The following MSMO1 variants were observed in gnomAD, a reference collection of about 807,000 sequenced individuals.
MSMO1 encodes the protein methylsterol monooxygenase 1.
A neutral mutation model predicts 30.4 loss-of-function variants in MSMO1; 18 were observed. The ratio of observed to expected loss-of-function variants is 0.59; its 90% CI spans 0.41 to 0.88. The LOEUF is 0.88. Ranked by LOEUF, MSMO1 falls within the 40% of genes least tolerant of loss-of-function variation. MSMO1 has a pLI of 0.00. For missense variants in MSMO1, 284 were observed against 340.5 expected (o/e 0.83, Z 1.31); for synonymous variants, 84 against 107.9 (o/e 0.78, Z 1.37).
In MSMO1 at chr4:165,333,559, C is replaced by A; in HGVS notation, c.189C>A (p.Phe63Leu). ...GSLIVHEALY[F>L]LFCLPGFLFQ... ...TTATAGTTCATGAAGCCCTTTATTT[C>A]TTATTCTGTTTACCTGGATTTTTAT... Residue 63 changes from phenylalanine (F) to leucine (L), a missense_variant, in exon 2 of 6, where the codon TTC becomes TTA. By Grantham distance (22) the Phe-to-Leu change is conservative. Transcript: ENST00000261507. The A allele has an allele frequency of 6.2e-7, 1 of 1,607,954 alleles. No homozygotes were observed. Among genetic ancestry groups the A allele is most frequent in the Non-Finnish European group, 8.5e-7 (1 of 1,177,994 alleles).
intron 3 of MSMO1, 99 bp from the exon 4 acceptor site, chr4:165,338,553 G>C: frequency 9.6e-7 from 1 of 1,040,376 alleles, no homozygotes; most frequent in Admixed American, 1.8e-5. Flanking sequence ...AAGTGGGTGG[G>C]TGGTTTTATG....
At chr4:165,341,672 G>A (rs1747717726) in intron 5 of MSMO1, 79 bp from the exon 6 acceptor site, 1 of 1,340,752 alleles carries the variant, frequency 7.5e-7, no homozygotes, top group African/African-American at 1.4e-5. Flanking sequence ...TGGTTAATGT[G>A]AACACATGAT....
At chr4:165,333,318 A>G in intron 1 of MSMO1, 22 bp from the exon 2 acceptor site, 1 of 1,576,272 alleles carries the variant, frequency 6.3e-7, no homozygotes. Flanking sequence ...TTAACTTATT[A>G]TATATGTATT....
intron 4 of MSMO1, 43 bp from the exon 5 acceptor site, chr4:165,340,178 A>G: frequency 6.3e-7 from 1 of 1,590,276 alleles, no homozygotes; most frequent in Non-Finnish European, 8.6e-7. Flanking sequence ...ATTGACCATC[A>G]CAATAGCTAA....
At position 165,337,790 on chromosome 4, in the gene MSMO1, A is replaced by G; in HGVS notation, c.257A>G (p.Asp86Gly). 6.2e-7 allele frequency: 1 copy of G among 1,613,588 alleles called. No individual in the cohort carries two copies. Among genetic ancestry groups the G allele is most frequent in the South Asian group, 1.1e-5 (1 of 91,076 alleles). ...AGATATTGTGATTTTTCTTCGTAGG[A>G]TAAGCCAGAGACATGGGAAAACCAA... ...PYMKKYKIQK[D>G]KPETWENQWK... The change falls in exon 3 of 6, where the codon GAT (aspartate) becomes GGT (glycine). Residue 86 changes from aspartate (D) to glycine (G), a missense_variant and splice_region_variant. Physicochemically the swap from Asp to Gly is moderately conservative, Grantham distance 94 (BLOSUM62 -1). Transcript: ENST00000261507.
chr4:165,340,058 T>C (rs922924046), intron 4 of MSMO1, among the ~76,000 whole-genome samples, 163 bp from the exon 5 acceptor site: 4 of 152,228 alleles, frequency 2.6e-5, no homozygotes, highest in Admixed American at 2.6e-4. Context: ...CTTTACTCAG[T>C]CTACTGATTT....
chr4:165,338,634 A>G lies in MSMO1; in HGVS notation c.405-18A>G. 1 of 1,600,098 alleles carries G rather than the reference A, an allele frequency of 6.2e-7. No homozygotes were observed. The highest frequency in any genetic ancestry group is 8.6e-7 in the Non-Finnish European group (1 of 1,167,450). ...GTAAAAATTATTTCTTACACATTACAACATTTTTATCTTAAAGGTATTTTC... is the reference window on the plus strand; with the variant it reads ...GTAAAAATTATTTCTTACACATTACGACATTTTTATCTTAAAGGTATTTTC... On this transcript the variant is annotated intron_variant, in intron 3 of 5. Coordinates refer to ENST00000261507, the MANE Select transcript of MSMO1 (RefSeq NM_006745.5).
chr4:165,331,387 A>G (rs1747385800), intron 1 of MSMO1, among the ~76,000 whole-genome samples: 1 of 152,212 alleles, frequency 6.6e-6, no homozygotes, highest in Admixed American at 6.5e-5. Context: ...GAAGGATGAA[A>G]GATGGGAAAG....
At position 165,337,784 on chromosome 4, in the gene MSMO1, C is replaced by T. The variant is rs777434494; in HGVS notation, c.256-5C>T. 2.2e-5 allele frequency: 35 copies of T among 1,613,060 alleles called. No individual in the cohort carries two copies. In the African/African-American group the frequency reaches 2.5e-4, roughly 12 times the overall value. On this transcript the variant is annotated splice_region_variant and splice_polypyrimidine_tract_variant and intron_variant, in intron 2 of 5. Transcript: ENST00000261507. ...AATATTAGATATTGTGATTTTTCTT[C>T]GTAGGATAAGCCAGAGACATGGGAA...
intron 4 of MSMO1, 138 bp from the exon 5 acceptor site, chr4:165,340,083 T>C (rs571475401): frequency 1.1e-5 from 8 of 722,338 alleles, no homozygotes; most frequent in African/African-American, 1.8e-5. Flanking sequence ...GTTAACAACA[T>C]CTAAAAAATA....
intron 1 of MSMO1, among the ~76,000 whole-genome samples, chr4:165,331,191 A>G (rs1284294759): frequency 1.3e-5 from 2 of 151,970 alleles, no homozygotes; most frequent in Admixed American, 1.3e-4. Flanking sequence ...CTGTGGTCCC[A>G]GCTACGAGGG....
intron 2 of MSMO1, among the ~76,000 whole-genome samples, chr4:165,336,999 A>G (rs1375351291): frequency 1.3e-5 from 2 of 152,202 alleles, no homozygotes; most frequent in African/African-American, 4.8e-5. Flanking sequence ...TGGTTCAATT[A>G]AAAGAGTTTT....
chr4:165,331,751 A>G (rs534421199), intron 1 of MSMO1, among the ~76,000 whole-genome samples: 1 of 152,328 alleles, frequency 6.6e-6, no homozygotes, highest in South Asian at 2.1e-4. Context: ...ATAAATTAGA[A>G]GCAGCAGTGG....
rs145705619 is a variant in MSMO1 at position 165,337,322 on chromosome 4, A to T, written c.256-467A>T. On this transcript the variant is annotated intron_variant, in intron 2 of 5. Transcript: ENST00000261507. ...AACTCAGAGAGTTTATAATTCTGTC[A>T]TTGGATTTGAACAAAAGTGCATTTA... Among the ~76,000 whole-genome samples the T allele has an allele frequency of 9.2e-5, 14 of 152,318 alleles. No individual in the cohort carries two copies. The East Asian group carries it at 2.7e-3, about 29-fold the overall frequency.
At chr4:165,330,038 G>A (rs868375550) in intron 1 of MSMO1, among the ~76,000 whole-genome samples, 2 of 152,142 alleles carry the variant, frequency 1.3e-5, no homozygotes, top group African/African-American at 2.4e-5. Flanking sequence ...AAGACAACTC[G>A]TGGAATACCT....
In MSMO1 at chr4:165,327,700, C is replaced by T. The variant is rs554289467; in HGVS notation, c.-96C>T. The T allele has an allele frequency of 5.2e-5, 8 of 152,462 alleles. No individual in the cohort carries two copies. In the East Asian group the frequency reaches 5.8e-4, roughly 11 times the overall value. The allele number at this position is 152,462 out of a possible 1,614,324, so 9.4% of individuals were successfully genotyped here. A position where few individuals can be genotyped will look rare whatever the true frequency, so the allele number is the denominator to read the frequency against. ...ACCCCCAAGCCAGGCGAGGCAGGTTCCGAGGTTGGAACACCTGGCGAGTCC... is the reference window on the plus strand; with the variant it reads ...ACCCCCAAGCCAGGCGAGGCAGGTTTCGAGGTTGGAACACCTGGCGAGTCC... On this transcript the variant is annotated 5_prime_UTR_variant, in exon 1 of 6. Coordinates refer to ENST00000261507, the MANE Select transcript of MSMO1 (RefSeq NM_006745.5).
At chr4:165,331,236 C>A (rs1747379657) in intron 1 of MSMO1, among the ~76,000 whole-genome samples, 1 of 149,964 alleles carries the variant, frequency 6.7e-6, no homozygotes, top group South Asian at 2.1e-4. Flanking sequence ...CCTGGGAGGT[C>A]GAGGCTGCAA....
chr4:165,330,989 C>A (rs1234099238), intron 1 of MSMO1, among the ~76,000 whole-genome samples: 1 of 152,048 alleles, frequency 6.6e-6, no homozygotes, highest in Admixed American at 6.5e-5. Flanking sequence ...GTAATGGAGG[C>A]TAGGAAGGTG....
chr4:165,334,879 T>C (rs1370986316), intron 2 of MSMO1, among the ~76,000 whole-genome samples: 3 of 152,184 alleles, frequency 2.0e-5, no homozygotes, highest in African/African-American at 7.2e-5. Context: ...GCCCTCCATA[T>C]CCATGGGTTG....
Sources: gnomAD v4.1 joint callset for allele counts (sites outside exome capture counted in the v4.1 genomes callset) on GRCh38, gnomAD v4.1.1 for gene constraint, MANE v1.5 for transcripts, NCBI Gene and HGNC (gene_info 2026-07-23, HGNC 2026-07-21) for gene names.